IKBKB: variants seen among roughly 807,000 people sequenced by gnomAD.
The protein encoded by IKBKB is inhibitor of nuclear factor kappa-B kinase subunit beta.
IKBKB carries 42 observed loss-of-function variants against 113.6 expected under a neutral mutation model. The ratio of observed to expected loss-of-function variants is 0.37; its 90% CI spans 0.29 to 0.48. The LOEUF (loss-of-function observed/expected upper bound fraction) is 0.48. Ranked by LOEUF, IKBKB falls within the 20% of genes least tolerant of loss-of-function variation. IKBKB has a pLI of 0.99. For missense variants in IKBKB, 673 were observed against 939.7 expected (o/e 0.72, Z 3.71); for synonymous variants, 296 against 361.3 (o/e 0.82, Z 2.05).
rs758569358 is a variant in IKBKB at position 42,314,409 on chromosome 8, C to G, written c.780C>G (p.Pro260=). Reference sequence around the variant, plus strand: ...CGGTGAAGTTTTCAAGCTCTTTACCCTACCCCAATAATCTTAACAGGTAAG... The same window carrying G: ...CGGTGAAGTTTTCAAGCTCTTTACCGTACCCCAATAATCTTAACAGGTAAG... ...NGTVKFSSSL[P]YPNNLNSVLA... Residue 260 remains proline, a synonymous_variant, in exon 9 of 22, where the codon CCC becomes CCG. Transcript: ENST00000520810. 1.9e-6 allele frequency: 3 copies of G among 1,606,314 alleles called. No homozygotes were observed. The highest frequency in any genetic ancestry group is 1.7e-5 in the Admixed American group (1 of 60,004).
chr8:42,287,065 C>T (rs1401519682), intron 2 of IKBKB, among the ~76,000 whole-genome samples: 4 of 151,444 alleles, frequency 2.6e-5, no homozygotes, highest in East Asian at 1.9e-4. Context: ...GTCTTGGAGA[C>T]CCCCCCATAG....
At chr8:42,322,713 C>T (rs1426383564) in intron 19 of IKBKB, among the ~76,000 whole-genome samples, 10 of 152,178 alleles carry the variant, frequency 6.6e-5, no homozygotes, top group African/African-American at 1.9e-4. Context: ...GTATTACTTT[C>T]GTGTGGCTAC....
At chr8:42,289,011 C>G (rs563342304) in intron 3 of IKBKB, among the ~76,000 whole-genome samples, 1 of 152,164 alleles carries the variant, frequency 6.6e-6, no homozygotes, top group African/African-American at 2.4e-5. Context: ...GCTGCACACT[C>G]TGCTGGGATT....
At chr8:42,320,503 A>G in intron 15 of IKBKB, 1 of 477,350 alleles carries the variant, frequency 2.1e-6, no homozygotes, top group Non-Finnish European at 3.7e-6. Flanking sequence ...TTTTATGCAA[A>G]AGGAAACTGT....
At chr8:42,281,737 C>G (rs1015979844) in intron 2 of IKBKB, among the ~76,000 whole-genome samples, 1 of 152,200 alleles carries the variant, frequency 6.6e-6, no homozygotes, top group Non-Finnish European at 1.5e-5. Flanking sequence ...CTTTCTGAAG[C>G]ATTCATTTCA....
intron 19 of IKBKB, 25 bp from the exon 20 acceptor site, chr8:42,325,945 A>G (rs181889234): frequency 1.5e-5 from 25 of 1,612,936 alleles, no homozygotes; most frequent in Admixed American, 5.0e-5. Flanking sequence ...CTTGGCTCCT[A>G]ATTTCTTTTG....
chr8:42,330,013 G>A, intron 21 of IKBKB: 1 of 985,424 alleles, frequency 1.0e-6, no homozygotes, highest in Non-Finnish European at 1.2e-6. Context: ...TATATCTCTT[G>A]CTGCTCTCCT....
chr8:42,285,267 C>T lies in IKBKB; in HGVS notation c.106-3367C>T, dbSNP rs180954874. Among the ~76,000 whole-genome samples the T allele has an allele frequency of 9.8e-4, 149 of 151,488 alleles. 1 individual carries two copies. The highest frequency in any genetic ancestry group is 6.8e-3 in the Middle Eastern group (2 of 294). On this transcript the variant is annotated intron_variant, in intron 2 of 21. Coordinates refer to ENST00000520810, the MANE Select transcript of IKBKB (RefSeq NM_001556.3). ...ATCAGTTTAATAGCAACAAGGTGGC[C>T]GGGTGCAGGGGCTTAGGCCTGTAAT... is the stretch of plus-strand genomic sequence containing the variant.
At chr8:42,323,133 C>G (rs985653487) in intron 19 of IKBKB, among the ~76,000 whole-genome samples, 1 of 152,198 alleles carries the variant, frequency 6.6e-6, no homozygotes, top group Non-Finnish European at 1.5e-5. Context: ...TACAAGAACA[C>G]TTGTCATTGG....
chr8:42,294,984 G>T (rs1813419716), intron 5 of IKBKB, among the ~76,000 whole-genome samples: 1 of 151,396 alleles, frequency 6.6e-6, no homozygotes, highest in Admixed American at 6.6e-5. Flanking sequence ...TTTCTTGGGT[G>T]ATTTTTATTT....
chr8:42,272,132 CAT>C lies in IKBKB; in HGVS notation c.33_34del (p.Cys12TrpfsTer27), dbSNP rs1807909696. On this transcript the variant is annotated frameshift_variant, in exon 2 of 22. Transcript: ENST00000520810. LOFTEE classifies it high-confidence loss of function. ...TGGTCACCTTCCCTGACAACGCAGA[CAT>C]GTGGGGCCTGGGAAATGAAAGAGCG... 4 of 1,614,094 alleles carry C rather than the reference CAT, an allele frequency of 2.5e-6. No individual in the cohort carries two copies. The highest frequency in any genetic ancestry group is 3.4e-6 in the Non-Finnish European group (4 of 1,180,008).
intron 2 of IKBKB, among the ~76,000 whole-genome samples, chr8:42,285,616 A>G (rs1331664813): frequency 6.6e-6 from 1 of 152,214 alleles, no homozygotes; most frequent in Non-Finnish European, 1.5e-5. Flanking sequence ...TTGTTCAGAG[A>G]GCGCCTCAGA....
At chr8:42,314,852 G>A (rs1462951150) in intron 9 of IKBKB, among the ~76,000 whole-genome samples, 10 of 151,756 alleles carry the variant, frequency 6.6e-5, no homozygotes, top group Non-Finnish European at 2.9e-5. Flanking sequence ...TCAGGATATC[G>A]TCCTGTGACT....
intron 2 of IKBKB, among the ~76,000 whole-genome samples, chr8:42,277,040 T>G (rs959338855): frequency 1.1e-4 from 16 of 151,260 alleles, no homozygotes; most frequent in Non-Finnish European, 2.9e-5. Flanking sequence ...CTAATTTTTT[T>G]TTTGTATTTT....
At chr8:42,302,366 C>T (rs1159051618) in intron 5 of IKBKB, among the ~76,000 whole-genome samples, 1 of 152,066 alleles carries the variant, frequency 6.6e-6, no homozygotes, top group African/African-American at 2.4e-5. Flanking sequence ...TTAATTGGAC[C>T]TAAGCTGATC....
rs551477835 is a variant in IKBKB, at chr8:42,309,345, CTG to C, written c.692+326_692+327del. On this transcript the variant is annotated intron_variant, in intron 8 of 21. Coordinates refer to ENST00000520810, the MANE Select transcript of IKBKB (RefSeq NM_001556.3). Reference sequence around the variant, plus strand: ...AATATACGCACTTACACTGAGAATGCTGTGTGTTAGTAAACAAATAAAACACG... The same window carrying C: ...AATATACGCACTTACACTGAGAATGCTGTGTTAGTAAACAAATAAAACACG... 207 of 400,112 alleles carry C rather than the reference CTG, an allele frequency of 5.2e-4. 3 individuals carry two copies. Among genetic ancestry groups the C allele is most frequent in the South Asian group, 4.8e-3 (196 of 41,064 alleles). 24.8% of individuals were successfully genotyped at this position (400,112 alleles called of 1,614,324 possible).
chr8:42,275,535 G>T (rs1808912525), intron 2 of IKBKB, among the ~76,000 whole-genome samples: 1 of 152,110 alleles, frequency 6.6e-6, no homozygotes, highest in African/African-American at 2.4e-5. Context: ...AGAACATGTG[G>T]TATTTATCTC....
Position 42,311,979 on chromosome 8 carries a change from C to T in IKBKB, c.693-2343C>T, listed in dbSNP as rs555060034. Reference sequence around the variant, plus strand: ...GCGGCTCACTGCAAGCTCCGCCTCCCGGGTTCATGCCATTCTCCTGCCTCA... The same window carrying T: ...GCGGCTCACTGCAAGCTCCGCCTCCTGGGTTCATGCCATTCTCCTGCCTCA... On this transcript the variant is annotated intron_variant, in intron 8 of 21. Coordinates refer to ENST00000520810, the MANE Select transcript of IKBKB (RefSeq NM_001556.3). 1.8e-3 allele frequency among the ~76,000 whole-genome samples: 275 copies of T among 152,244 alleles called. 2 individuals are homozygous for T. Among genetic ancestry groups the T allele is most frequent in the Non-Finnish European group, 3.6e-3 (244 of 68,020 alleles).
chr8:42,282,673 C>T (rs1303327926), intron 2 of IKBKB, among the ~76,000 whole-genome samples: 1 of 152,188 alleles, frequency 6.6e-6, no homozygotes, highest in Non-Finnish European at 1.5e-5. Context: ...TGTTTGAGTT[C>T]CACTGCTAGT....
Sources: allele counts gnomAD v4.1 joint callset (sites outside exome capture counted in the v4.1 genomes callset), GRCh38; gene constraint gnomAD v4.1.1; transcripts MANE v1.5; gene names NCBI Gene and HGNC (gene_info 2026-07-23, HGNC 2026-07-21).